The following RAB3C variants were observed in gnomAD, a reference collection of about 807,000 sequenced individuals.
RAB3C encodes the protein ras-related protein Rab-3C.
In RAB3C, 17 loss-of-function variants were observed where a neutral mutation model predicts 26.4. That is an observed-to-expected ratio of 0.64 (90% CI 0.44 to 0.97). The LOEUF is 0.97. RAB3C is among the 50% of genes least tolerant of loss of function. The probability of loss-of-function intolerance (pLI) is 0.00; values close to 1 mark genes in which losing one functional copy is unlikely to be tolerated. For missense variants in RAB3C, 242 were observed against 281.9 expected (o/e 0.86, Z 1.01); for synonymous variants, 91 against 95.9 (o/e 0.95, Z 0.30).
intron 3 of RAB3C, among the ~76,000 whole-genome samples, chr5:58,740,500 T>C (rs1741253600): frequency 6.6e-6 from 1 of 152,160 alleles, no homozygotes; most frequent in South Asian, 2.1e-4. Flanking sequence ...TATGTCAACT[T>C]GTTTGTATTG....
chr5:58,656,473 A>G (rs947732415), intron 2 of RAB3C, among the ~76,000 whole-genome samples: 1 of 152,218 alleles, frequency 6.6e-6, no homozygotes, highest in African/African-American at 2.4e-5. Context: ...ACCATATTGT[A>G]TGCCCAAAAT....
At chr5:58,623,770 G>C (rs183219353) in intron 2 of RAB3C, among the ~76,000 whole-genome samples, 1 of 152,270 alleles carries the variant, frequency 6.6e-6, no homozygotes, top group Non-Finnish European at 1.5e-5. Flanking sequence ...TAGAAGAAAG[G>C]ATCAACCTGT....
At chr5:58,824,068 T>G (rs1000517865) in intron 3 of RAB3C, among the ~76,000 whole-genome samples, 3 of 152,060 alleles carry the variant, frequency 2.0e-5, no homozygotes, top group African/African-American at 7.2e-5. Flanking sequence ...TCATTTTTTA[T>G]GGCTGCATAG....
intron 2 of RAB3C, among the ~76,000 whole-genome samples, chr5:58,630,661 GGAGAAAGACAAT>G (rs1747168968): frequency 6.6e-6 from 1 of 152,112 alleles, no homozygotes; most frequent in Admixed American, 6.6e-5. Flanking sequence ...TACACTCATG[GGAGAAAGACAAT>G]GAGAAAGGCA....
intron 3 of RAB3C, among the ~76,000 whole-genome samples, 154 bp from the exon 4 acceptor site, chr5:58,824,883 CA>C (rs1338582494): frequency 6.6e-6 from 1 of 151,928 alleles, no homozygotes; most frequent in African/African-American, 2.4e-5. Context: ...GGTAAAATTG[CA>C]CTCAACTAAT....
intron 1 of RAB3C, among the ~76,000 whole-genome samples, chr5:58,598,806 A>G (rs1746385380): frequency 1.3e-5 from 2 of 152,140 alleles, no homozygotes; most frequent in African/African-American, 2.4e-5. Context: ...AAGTCTCAGG[A>G]AAGTGTTGGG....
At chr5:58,793,566 G>A (rs1579921470) in intron 3 of RAB3C, among the ~76,000 whole-genome samples, 1 of 137,310 alleles carries the variant, frequency 7.3e-6, no homozygotes. Context: ...AAGTGTTACA[G>A]ACTTCATTTT....
At chr5:58,625,228 AT>A (rs5868123) in intron 2 of RAB3C, among the ~76,000 whole-genome samples, 17,881 of 152,188 alleles carry the variant, frequency 0.12, 1,330 homozygotes, top group Non-Finnish European at 0.16. Flanking sequence ...AATGCTGGAA[AT>A]TTTATTTTTA....
chr5:58,736,536 C>T (rs938020330), intron 3 of RAB3C, among the ~76,000 whole-genome samples: 4 of 152,218 alleles, frequency 2.6e-5, no homozygotes, highest in African/African-American at 4.8e-5. Flanking sequence ...TCTTCACCTA[C>T]TCTTACTTTG....
chr5:58,659,915 C>A (rs1747864150), intron 2 of RAB3C, among the ~76,000 whole-genome samples: 1 of 152,150 alleles, frequency 6.6e-6, no homozygotes, highest in Non-Finnish European at 1.5e-5. Context: ...GCCATCCTCC[C>A]ACCTCAGGCT....
chr5:58,678,186 A>T (rs545818260), intron 2 of RAB3C, among the ~76,000 whole-genome samples: 38 of 152,290 alleles, frequency 2.5e-4, no homozygotes, highest in African/African-American at 7.0e-4. Flanking sequence ...CTTCTTTATG[A>T]TGCTAAATTC....
At chr5:58,621,898 C>T (rs1746949248) in intron 2 of RAB3C, among the ~76,000 whole-genome samples, 1 of 152,136 alleles carries the variant, frequency 6.6e-6, no homozygotes, top group Admixed American at 6.5e-5. Context: ...TTTACTGGGT[C>T]AGGAAGGAAG....
At chr5:58,831,434 A>C (rs1046916691) in intron 4 of RAB3C, among the ~76,000 whole-genome samples, 1 of 152,210 alleles carries the variant, frequency 6.6e-6, no homozygotes, top group Admixed American at 6.5e-5. Flanking sequence ...CCCAACTAAT[A>C]AACTGAAAAA....
intron 2 of RAB3C, among the ~76,000 whole-genome samples, chr5:58,678,528 A>T (rs1224228182): frequency 6.6e-6 from 1 of 152,150 alleles, no homozygotes; most frequent in Non-Finnish European, 1.5e-5. Context: ...TCAAGAGTTT[A>T]TCTCTCAGCA....
intron 2 of RAB3C, among the ~76,000 whole-genome samples, chr5:58,706,052 G>T (rs768139741): frequency 8.5e-5 from 13 of 152,096 alleles, no homozygotes; most frequent in Admixed American, 2.0e-4. Context: ...TACTTGAGAT[G>T]AATTTTTAAA....
At chr5:58,699,969 A>T (rs1748806929) in intron 2 of RAB3C, among the ~76,000 whole-genome samples, 1 of 152,152 alleles carries the variant, frequency 6.6e-6, no homozygotes. Flanking sequence ...TGTGGGCTGC[A>T]CCCACTCTCC....
At chr5:58,796,840 A>C (rs1411532556) in intron 3 of RAB3C, among the ~76,000 whole-genome samples, 1 of 152,094 alleles carries the variant, frequency 6.6e-6, no homozygotes, top group Non-Finnish European at 1.5e-5. Context: ...CTCAACTGGA[A>C]GGCACATGAG....
At chr5:58,697,264 T>G (rs1470418499) in intron 2 of RAB3C, among the ~76,000 whole-genome samples, 1 of 152,222 alleles carries the variant, frequency 6.6e-6, no homozygotes, top group African/African-American at 2.4e-5. Context: ...GAGTTTTAGT[T>G]TGATTGCACT....
intron 3 of RAB3C, among the ~76,000 whole-genome samples, chr5:58,804,578 T>C (rs938467247): frequency 2.6e-5 from 4 of 152,128 alleles, no homozygotes; most frequent in Non-Finnish European, 5.9e-5. Context: ...TTATTTGCAA[T>C]ACAGGCAAGT....
Sources: allele counts gnomAD v4.1 joint callset (sites outside exome capture counted in the v4.1 genomes callset), GRCh38; gene constraint gnomAD v4.1.1; transcripts MANE v1.5; gene names NCBI Gene and HGNC (gene_info 2026-07-23, HGNC 2026-07-21).